Variants in DCP1A observed in about 807,000 individuals in gnomAD.
DCP1A encodes the protein mRNA-decapping enzyme 1A.
In DCP1A, 20 loss-of-function variants were observed where a neutral mutation model predicts 58.0. The ratio of observed to expected loss-of-function variants is 0.34; its 90% confidence interval spans 0.24 to 0.50. The LOEUF (loss-of-function observed/expected upper bound fraction) is 0.50, where lower values mean the gene tolerates loss of function less well. Among genes scored for constraint, DCP1A ranks in the 20% least tolerant of loss-of-function variants. The pLI is 0.98. For synonymous variants in DCP1A, 285 were observed against 275.1 expected (o/e 1.04, Z -0.36); for missense variants, 613 against 712.2 (o/e 0.86, Z 1.59).
chr3:53,336,050 T>C (rs1553691866), intron 3 of DCP1A, among the ~76,000 whole-genome samples: 3 of 152,120 alleles, frequency 2.0e-5, no homozygotes, highest in Admixed American at 6.6e-5. Context: ...TCTGTTCGCC[T>C]TGGCCTCCCA....
At position 53,321,705 on chromosome 3, in the gene DCP1A, G is replaced by A. The variant is rs187197304; in HGVS notation, c.305-2232C>T. ...CTGCACTGCAGCCTGGGCAACAAGAGCGAAACTCCGTCTCAAAACAAACAA... is the reference window on the plus strand; with the variant it reads ...CTGCACTGCAGCCTGGGCAACAAGAACGAAACTCCGTCTCAAAACAAACAA... On this transcript the variant is annotated intron_variant, in intron 3 of 9. Coordinates refer to ENST00000610213, the MANE Select transcript of DCP1A (RefSeq NM_018403.7). 1.3e-3 allele frequency among the ~76,000 whole-genome samples: 191 copies of A among 152,268 alleles called. 3 individuals carry two copies. Among genetic ancestry groups the A allele is most frequent in the African/African-American group, 4.0e-3 (166 of 41,558 alleles).
intron 5 of DCP1A, among the ~76,000 whole-genome samples, chr3:53,304,937 T>A (rs1707425400): frequency 1.3e-5 from 2 of 151,924 alleles, no homozygotes; most frequent in African/African-American, 4.8e-5. Context: ...TTTAAGGGGG[T>A]GTACAGTTCT....
intron 1 of DCP1A, among the ~76,000 whole-genome samples, chr3:53,346,503 C>G (rs1053465950): frequency 6.6e-6 from 1 of 152,164 alleles, no homozygotes; most frequent in Non-Finnish European, 1.5e-5. Flanking sequence ...TTACGTATTA[C>G]TTTCTAAGTG....
At chr3:53,333,998 C>T (rs149645836) in intron 3 of DCP1A, among the ~76,000 whole-genome samples, 1 of 151,386 alleles carries the variant, frequency 6.6e-6, no homozygotes, top group East Asian at 1.9e-4. Context: ...TGCAGTGGCT[C>T]ACACCTATAA....
intron 3 of DCP1A, among the ~76,000 whole-genome samples, chr3:53,341,121 T>C (rs1553692472): frequency 1.3e-5 from 2 of 150,828 alleles, no homozygotes; most frequent in African/African-American, 4.9e-5. Flanking sequence ...GTAATAAATA[T>C]CTTAAAAAAA....
At chr3:53,291,005 A>AG in intron 7 of DCP1A, 149 bp from the exon 8 acceptor site, 1 of 724,012 alleles carries the variant, frequency 1.4e-6, no homozygotes, top group Non-Finnish European at 2.4e-6. Context: ...TAGATTCCCA[A>AG]GGGAAGAGTC....
intron 3 of DCP1A, among the ~76,000 whole-genome samples, chr3:53,327,703 A>C (rs1441951481): frequency 6.6e-6 from 1 of 151,680 alleles, no homozygotes; most frequent in Non-Finnish European, 1.5e-5. Context: ...AGGCAGAAGA[A>C]TTGCTTGAGC....
At chr3:53,347,324 G>C (rs1219334784) in intron 1 of DCP1A, 59 bp downstream of exon 1, 2 of 1,440,998 alleles carry the variant, frequency 1.4e-6, no homozygotes, top group Non-Finnish European at 1.8e-6. Context: ...TAACCCGCGC[G>C]GCCCCTTTAA....
At chr3:53,318,047 T>C (rs1553689447) in intron 4 of DCP1A, among the ~76,000 whole-genome samples, 1 of 152,248 alleles carries the variant, frequency 6.6e-6, no homozygotes, top group Non-Finnish European at 1.5e-5. Context: ...CTCACGCCTA[T>C]AATCCCAGCA....
chr3:53,312,564 C>T (rs1190902685), intron 4 of DCP1A, among the ~76,000 whole-genome samples, 185 bp from the exon 5 acceptor site: 1 of 143,152 alleles, frequency 7.0e-6, no homozygotes, highest in African/African-American at 2.6e-5. Context: ...GGTGTGATCT[C>T]GGCTCACTGC....
intron 3 of DCP1A, among the ~76,000 whole-genome samples, chr3:53,333,826 A>C (rs1213486343): frequency 2.0e-5 from 3 of 152,118 alleles, no homozygotes; most frequent in Admixed American, 2.0e-4. Context: ...TTTTATCCCT[A>C]ATGATGCTTT....
At chr3:53,288,376 G>A (rs1706726435) in intron 8 of DCP1A, 93 bp from the exon 9 acceptor site, 3 of 916,342 alleles carry the variant, frequency 3.3e-6, no homozygotes, top group Non-Finnish European at 5.0e-6. Flanking sequence ...ATAAGCAGCA[G>A]AAGAGTGGAG....
At position 53,287,548 on chromosome 3, in the gene DCP1A, G is replaced by A; in HGVS notation, c.*32C>T. ...ATGAAGCCTATTTGTCTCTGAGGCT[G>A]GGGCTCTGCCTTTAGACTTATTCTG... On this transcript the variant is annotated 3_prime_UTR_variant, in exon 10 of 10. Transcript: ENST00000610213. 6.8e-7 allele frequency: 1 copy of A among 1,476,480 alleles called. No homozygotes were observed. Among genetic ancestry groups the A allele is most frequent in the Non-Finnish European group, 9.5e-7 (1 of 1,056,014 alleles). 91.5% of individuals were successfully genotyped at this position (1,476,480 alleles called of 1,614,324 possible). A position where few individuals can be genotyped will look rare whatever the true frequency, so the allele number is the denominator to read the frequency against.
At chr3:53,329,497 C>G (rs2106872453) in intron 3 of DCP1A, 1 of 397,012 alleles carries the variant, frequency 2.5e-6, no homozygotes, top group East Asian at 3.6e-5. Context: ...TTAAATTATA[C>G]TTAAGAGGTA....
chr3:53,312,180 A>G, intron 5 of DCP1A, 61 bp downstream of exon 5: 1 of 1,498,552 alleles, frequency 6.7e-7, no homozygotes, highest in South Asian at 1.4e-5. Context: ...AGTCTCCTGC[A>G]GACCTCCTCC....
chr3:53,295,737 T>G (rs1276002536), intron 6 of DCP1A, among the ~76,000 whole-genome samples: 1 of 152,206 alleles, frequency 6.6e-6, no homozygotes, highest in Non-Finnish European at 1.5e-5. Context: ...GAGCCCAGCA[T>G]AATCCTTCTA....
At chr3:53,301,018 G>A (rs1481162491) in intron 6 of DCP1A, among the ~76,000 whole-genome samples, 2 of 152,054 alleles carry the variant, frequency 1.3e-5, no homozygotes, top group Non-Finnish European at 1.5e-5. Flanking sequence ...TGCATTAGGC[G>A]GTACAATAAT....
At chr3:53,326,152 A>G (rs573524090) in intron 3 of DCP1A, among the ~76,000 whole-genome samples, 1 of 152,322 alleles carries the variant, frequency 6.6e-6, no homozygotes, top group Admixed American at 6.5e-5. Flanking sequence ...AATTAAATCA[A>G]ATCTGAATAT....
At chr3:53,316,955 T>G (rs1226133723) in intron 4 of DCP1A, among the ~76,000 whole-genome samples, 1 of 152,220 alleles carries the variant, frequency 6.6e-6, no homozygotes, top group Non-Finnish European at 1.5e-5. Context: ...ATTTGAAATC[T>G]TGCATTAGGG....
Sources: gnomAD v4.1 joint callset for allele counts (sites outside exome capture counted in the v4.1 genomes callset) on GRCh38, gnomAD v4.1.1 for gene constraint, MANE v1.5 for transcripts, NCBI Gene and HGNC (gene_info 2026-07-23, HGNC 2026-07-21) for gene names.